GCA: variants seen among roughly 807,000 people sequenced by gnomAD.
The protein encoded by GCA is grancalcin, also known as grancalcin, EF-hand calcium-binding protein.
GCA carries 30 observed loss-of-function variants against 32.6 expected under a neutral mutation model. The ratio of observed to expected loss-of-function variants is 0.92; its 90% CI spans 0.69 to 1.25. GCA has a LOEUF of 1.25. Among genes scored for constraint, GCA ranks in the 50% most tolerant of loss-of-function variants. GCA has a pLI of 0.00. For missense variants in GCA, 291 were observed against 266.8 expected (o/e 1.09, Z -0.63); for synonymous variants, 102 against 84.6 (o/e 1.21, Z -1.13).
intron 5 of GCA, 77 bp from the exon 6 acceptor site, chr2:162,358,967 A>G (rs1183386022): frequency 1.5e-6 from 1 of 647,996 alleles, no homozygotes; most frequent in African/African-American, 1.9e-5. Context: ...AAGTTATTTT[A>G]TGACTTAATG....
intron 4 of GCA, 104 bp downstream of exon 4, chr2:162,356,585 A>G (rs1295273483): frequency 1.1e-6 from 1 of 885,896 alleles, no homozygotes; most frequent in African/African-American, 1.7e-5. Flanking sequence ...TAGTGAATTT[A>G]AAAATACTTT....
At position 162,360,678 on chromosome 2, in the gene GCA, G is replaced by A; in HGVS notation, c.*435G>A. On this transcript the variant is annotated 3_prime_UTR_variant, in exon 8 of 8. Transcript: ENST00000437150. ...TGTAGTTGGTGGTGTTTGAGGGTTG[G>A]CTAGAAATGAAAGCCTGGATTTTGT... The A allele has an allele frequency of 7.5e-7, 1 of 1,332,690 alleles. No homozygotes were observed. Among genetic ancestry groups the A allele is most frequent in the Non-Finnish European group, 9.6e-7 (1 of 1,042,172 alleles). The allele number at this position is 1,332,690 out of a possible 1,614,324, so 82.6% of individuals were successfully genotyped here. A position where few individuals can be genotyped will look rare whatever the true frequency, so the allele number is the denominator to read the frequency against.
chr2:162,360,073 A>G (rs933160440), intron 7 of GCA, 144 bp from the exon 8 acceptor site: 1 of 576,846 alleles, frequency 1.7e-6, no homozygotes, highest in South Asian at 2.2e-5. Context: ...TGGGGTCAAC[A>G]TTACTGATAT....
intron 2 of GCA, among the ~76,000 whole-genome samples, 197 bp downstream of exon 2, chr2:162,347,939 A>G (rs908383155): frequency 6.6e-6 from 1 of 152,210 alleles, no homozygotes; most frequent in Non-Finnish European, 1.5e-5. Context: ...GATGCTTGAT[A>G]CATTGTTCAT....
At chr2:162,344,449 T>TG (rs1684577558) in intron 1 of GCA, 174 bp downstream of exon 1, 2 of 628,060 alleles carry the variant, frequency 3.2e-6, no homozygotes, top group Admixed American at 5.8e-5. Flanking sequence ...GCATTGATCC[T>TG]GGGCTGACTT....
chr2:162,371,050 C>T (rs1377941316), intron 4 of GCA, among the ~76,000 whole-genome samples: 1 of 152,034 alleles, frequency 6.6e-6, no homozygotes, highest in African/African-American at 2.4e-5. Flanking sequence ...GTGTTAATCA[C>T]AGTTTAGCAG....
At chr2:162,358,822 C>T (rs1269643198) in intron 5 of GCA, among the ~76,000 whole-genome samples, 1 of 151,262 alleles carries the variant, frequency 6.6e-6, no homozygotes, top group Non-Finnish European at 1.5e-5. Context: ...TTTTCCTTAG[C>T]TTTGACTTTA....
At chr2:162,356,682 A>G (rs1685287847) in intron 4 of GCA, 76 bp from the exon 5 acceptor site, 10 of 1,140,238 alleles carry the variant, frequency 8.8e-6, no homozygotes, top group African/African-American at 1.5e-5. Flanking sequence ...ACAGAAGCAT[A>G]CTCATGTTTT....
In GCA at chr2:162,345,131, G is replaced by T. The variant is rs549439960; in HGVS notation, c.27+856G>T. 8.2e-3 allele frequency among the ~76,000 whole-genome samples: 1,189 copies of T among 144,164 alleles called. 22 individuals carry two copies. Among genetic ancestry groups the T allele is most frequent in the African/African-American group, 0.028 (1,074 of 37,850 alleles). 94.6% of individuals were successfully genotyped at this position (144,164 alleles called of 152,430 possible). ...TGGTGGTGGTGGTGGTGGTGGTGGT[G>T]GTGGTTGTGGTTGTGGTTGTTGTTG... On this transcript the variant is annotated intron_variant, in intron 1 of 7. Transcript: ENST00000437150.
intron 1 of GCA, among the ~76,000 whole-genome samples, chr2:162,326,845 C>G (rs1224649764): frequency 6.6e-6 from 1 of 152,146 alleles, no homozygotes; most frequent in Non-Finnish European, 1.5e-5. Flanking sequence ...ACAAAAAACT[C>G]AGGGTATGAT....
chr2:162,352,686 C>T (rs574547422), intron 3 of GCA, among the ~76,000 whole-genome samples: 6 of 151,922 alleles, frequency 3.9e-5, no homozygotes, highest in Admixed American at 2.0e-4. Flanking sequence ...ATTTTTTTCA[C>T]GATTGATTTT....
At chr2:162,319,021 C>G (rs1478175371), upstream of GCA, 2 of 388,604 alleles carry the variant, frequency 5.1e-6, no homozygotes, top group Non-Finnish European at 1.0e-5. Context: ...TGCCACAGAC[C>G]CGGACGTGAA....
chr2:162,372,200 T>C (rs1018609260), downstream of GCA: 10 of 931,292 alleles, frequency 1.1e-5, no homozygotes, highest in Non-Finnish European at 1.6e-5. Flanking sequence ...CATTAATCTA[T>C]ATTTGATTAG....
chr2:162,375,234 T>C (rs1686119482), downstream of GCA, among the ~76,000 whole-genome samples: 1 of 152,174 alleles, frequency 6.6e-6, no homozygotes, highest in Admixed American at 6.5e-5. Flanking sequence ...GTTTATTACA[T>C]TGAATGTAAA....
At chr2:162,319,063 C>T (rs1391006277) in exon 1 of GCA, 1 of 438,456 alleles carries the variant, frequency 2.3e-6, no homozygotes, top group Non-Finnish European at 4.6e-6. Context: ...TGAATGTAGG[C>T]AGGCCTGGCT....
chr2:162,339,172 T>C (rs115915025), upstream of GCA, among the ~76,000 whole-genome samples: 715 of 152,302 alleles, frequency 4.7e-3, 8 homozygotes, highest in African/African-American at 0.017. Flanking sequence ...TGGTGGGCAG[T>C]AACCCTTAGA....
chr2:162,344,256 A>G lies in GCA; in HGVS notation c.8A>G (p.Tyr3Cys), dbSNP rs1384365254. 1.9e-6 allele frequency: 3 copies of G among 1,613,386 alleles called. No homozygotes were observed. Among genetic ancestry groups the G allele is most frequent in the Non-Finnish European group, 2.5e-6 (3 of 1,179,814 alleles). ...CCGCTCGTCCCGCTCGTCATGGCCT[A>G]CCCGGGATACGGAGGAGGGGTGAGT... MAYPGYGGGFGNF... is the reference protein window; with the variant it reads MACPGYGGGFGNF... Residue 3 changes from tyrosine to cysteine, a missense_variant, in exon 1 of 8, where the codon TAC becomes TGC. Transcript: ENST00000437150.
chr2:162,334,927 C>G (rs1684218597), intron 1 of GCA, among the ~76,000 whole-genome samples: 1 of 152,126 alleles, frequency 6.6e-6, no homozygotes, highest in Non-Finnish European at 1.5e-5. Context: ...ATGAGTGGGC[C>G]TATTGTTTTC....
chr2:162,362,298 T>G lies in GCA; in HGVS notation c.*2055T>G. The G allele has an allele frequency of 8.1e-6, 8 of 984,538 alleles. No homozygotes were observed. Among genetic ancestry groups the G allele is most frequent in the Non-Finnish European group, 9.6e-6 (8 of 829,386 alleles). 61.0% of individuals were successfully genotyped at this position (984,538 alleles called of 1,614,324 possible). A position where few individuals can be genotyped will look rare whatever the true frequency, so the allele number is the denominator to read the frequency against. On this transcript the variant is annotated 3_prime_UTR_variant, in exon 8 of 8. Transcript: ENST00000437150. Reference sequence around the variant, plus strand: ...CCTAACATTCTATGCCGATCCAACTTAATTGCCAGGCAACTCTTCTGCACT... The same window carrying G: ...CCTAACATTCTATGCCGATCCAACTGAATTGCCAGGCAACTCTTCTGCACT...
Sources: gnomAD v4.1 joint callset for allele counts (sites outside exome capture counted in the v4.1 genomes callset) on GRCh38, gnomAD v4.1.1 for gene constraint, MANE v1.5 for transcripts, NCBI Gene and HGNC (gene_info 2026-07-23, HGNC 2026-07-21) for gene names.